Variants in OTULIN observed in about 807,000 individuals in gnomAD.
OTULIN encodes ubiquitin thioesterase otulin.
OTULIN carries 15 observed loss-of-function variants against 39.6 expected under a neutral mutation model. The ratio of observed to expected loss-of-function variants is 0.38; its 90% CI spans 0.25 to 0.58. OTULIN has a LOEUF of 0.58. Among genes scored for constraint, OTULIN ranks in the 20% least tolerant of loss-of-function variants. OTULIN has a pLI of 0.66. For synonymous variants in OTULIN, 156 were observed against 170.3 expected, an observed-to-expected ratio of 0.92 and a Z score of 0.65; for missense variants, 319 against 445.9, an observed-to-expected ratio of 0.72 and a Z score of 2.56.
the OTULIN span, chr5:14,711,394 G>T: frequency 1.7e-6 from 2 of 1,203,986 alleles, no homozygotes; most frequent in Admixed American, 3.4e-5. Context: ...CAACACCGGG[G>T]TCTTGGGGGA....
At chr5:14,707,351 C>T in the OTULIN span, 1 of 151,824 alleles carries the variant, frequency 6.6e-6, no homozygotes, top group Non-Finnish European at 1.5e-5. Flanking sequence ...TCCTAGAAAC[C>T]AAGGATATAG....
At position 14,699,624 on chromosome 5, in the gene OTULIN, A is replaced by G. The variant is rs1397811091; in HGVS notation, c.*6576A>G. On this transcript the variant is annotated 3_prime_UTR_variant, in exon 7 of 7. Transcript: ENST00000284274. Reference sequence around the variant, plus strand: ...ATTTCCTTTTCCACCGCCTTTTCCCACTCAAGAAAGTGGAGAGAAAAACAG... The same window carrying G: ...ATTTCCTTTTCCACCGCCTTTTCCCGCTCAAGAAAGTGGAGAGAAAAACAG... 6.6e-6 allele frequency: 1 copy of G among 151,996 alleles called. No homozygotes were observed. Among genetic ancestry groups the G allele is most frequent in the African/African-American group, 2.4e-5 (1 of 41,340 alleles). The allele number at this position is 151,996 out of a possible 1,614,324, so 9.4% of individuals were successfully genotyped here. A position where few individuals can be genotyped will look rare whatever the true frequency, so the allele number is the denominator to read the frequency against.
chr5:14,689,979 T>G, intron 5 of OTULIN, 60 bp from the exon 6 acceptor site: 1 of 1,547,214 alleles, frequency 6.5e-7, no homozygotes, highest in East Asian at 2.2e-5. Flanking sequence ...CATAGTATGG[T>G]ACTATACCAG....
downstream of OTULIN, among the ~76,000 whole-genome samples, chr5:14,700,724 T>G (rs984964457): frequency 2.1e-5 from 3 of 143,320 alleles, no homozygotes; most frequent in Non-Finnish European, 3.0e-5. Flanking sequence ...CATTTGTCAC[T>G]GGTGAGCAGA....
intron 1 of OTULIN, among the ~76,000 whole-genome samples, chr5:14,672,566 G>C (rs1736005347): frequency 6.6e-6 from 1 of 152,100 alleles, no homozygotes; most frequent in Admixed American, 6.5e-5. Context: ...GTGTGAGGAT[G>C]GGGTATGCGC....
the OTULIN span, among the ~76,000 whole-genome samples, chr5:14,711,806 G>A: frequency 6.6e-6 from 1 of 152,200 alleles, no homozygotes; most frequent in Non-Finnish European, 1.5e-5. Context: ...TCCCTGCCAT[G>A]TTGCCTGTTC....
chr5:14,710,253 A>G, the OTULIN span: 1 of 150,522 alleles, frequency 6.6e-6, no homozygotes, highest in South Asian at 2.1e-4. Flanking sequence ...ATGCTGGATG[A>G]GACTTAAAGC....
At chr5:14,683,220 C>G (rs1052936619) in intron 4 of OTULIN, among the ~76,000 whole-genome samples, 13 of 151,560 alleles carry the variant, frequency 8.6e-5, no homozygotes, top group Non-Finnish European at 2.9e-5. Context: ...CAAGTCCAGC[C>G]TGGGCAACAT....
chr5:14,696,265 C>T lies in OTULIN; in HGVS notation c.*3217C>T, dbSNP rs922892855. The T allele has an allele frequency of 6.6e-6, 1 of 152,222 alleles. No homozygotes were observed. Among genetic ancestry groups the T allele is most frequent in the African/African-American group, 2.4e-5 (1 of 41,452 alleles). 9.4% of individuals were successfully genotyped at this position (152,222 alleles called of 1,614,324 possible). ...CTGCCATCTCAGCATCTACATAGGA[C>T]TTACATAGACTTCCTGAATGTGTCT... On this transcript the variant is annotated 3_prime_UTR_variant, in exon 7 of 7. Coordinates refer to ENST00000284274, the MANE Select transcript of OTULIN (RefSeq NM_138348.6).
intron 1 of OTULIN, among the ~76,000 whole-genome samples, chr5:14,671,176 T>G (rs1159743791): frequency 6.6e-6 from 1 of 152,210 alleles, no homozygotes; most frequent in Non-Finnish European, 1.5e-5. Context: ...AGTTGCTTGT[T>G]TAGAGAACCT....
At chr5:14,678,656 T>C in intron 2 of OTULIN, 25 bp from the exon 3 acceptor site, 2 of 1,502,668 alleles carry the variant, frequency 1.3e-6, no homozygotes, top group Non-Finnish European at 9.0e-7. Flanking sequence ...TTATTTGCTT[T>C]TTTTTTTTTT....
At chr5:14,707,433 C>CTG in the OTULIN span, 1 of 152,332 alleles carries the variant, frequency 6.6e-6, no homozygotes, top group Non-Finnish European at 1.5e-5. Context: ...GAGCAGAGAG[C>CTG]TGTTAACATT....
At chr5:14,714,673 A>G in the OTULIN span, among the ~76,000 whole-genome samples, 2,517 of 152,310 alleles carry the variant, frequency 0.017, 71 homozygotes, top group African/African-American at 0.058. Flanking sequence ...AGACAGACCC[A>G]CTGAGGTTTT....
At position 14,674,898 on chromosome 5, in the gene OTULIN, G is replaced by A. The variant is rs75438583; in HGVS notation, c.229+1180G>A. Among the ~76,000 whole-genome samples, 1,063 of 152,324 alleles carry A rather than the reference G, an allele frequency of 7.0e-3. 11 individuals carry two copies. The highest frequency in any genetic ancestry group is 0.025 in the African/African-American group (1,025 of 41,562). ...GGCCTGGGAATTTAACAATGTGAAT[G>A]CAGCAGTCTTTTTTGCATTATTAGC... On this transcript the variant is annotated intron_variant, in intron 2 of 6. Transcript: ENST00000284274.
chr5:14,682,807 G>T (rs540656168), intron 4 of OTULIN, among the ~76,000 whole-genome samples: 1 of 152,302 alleles, frequency 6.6e-6, no homozygotes, highest in East Asian at 1.9e-4. Context: ...GAATTAGGCA[G>T]TGACAGCCCC....
rs1197144734 is a variant in OTULIN, at chr5:14,696,861, A to G, written c.*3813A>G. 1.3e-5 allele frequency: 2 copies of G among 152,218 alleles called. No individual in the cohort carries two copies. Among genetic ancestry groups the G allele is most frequent in the East Asian group, 3.9e-4 (2 of 5,194 alleles). 9.4% of individuals were successfully genotyped at this position (152,218 alleles called of 1,614,324 possible). On this transcript the variant is annotated 3_prime_UTR_variant, in exon 7 of 7. Transcript: ENST00000284274. ...GAGCCAGTGCCACGTTGAACAGAAC[A>G]GTGGTTTAGTGAATGTGTGAGGAAA... is the stretch of plus-strand genomic sequence containing the variant.
At position 14,693,825 on chromosome 5, in the gene OTULIN, CT is replaced by C. The variant is rs1222914659; in HGVS notation, c.*778del. 1 of 152,222 alleles carries C rather than the reference CT, an allele frequency of 6.6e-6. No individual in the cohort carries two copies. Among genetic ancestry groups the C allele is most frequent in the Non-Finnish European group, 1.5e-5 (1 of 68,084 alleles). The allele number at this position is 152,222 out of a possible 1,614,324, so 9.4% of individuals were successfully genotyped here. A position where few individuals can be genotyped will look rare whatever the true frequency, so the allele number is the denominator to read the frequency against. On this transcript the variant is annotated 3_prime_UTR_variant, in exon 7 of 7. Transcript: ENST00000284274. ...TGCTCCTTGTGACTATGACAGATGT[CT>C]GATGCCCCCAGCGCACTGGAGTCTG...
chr5:14,713,504 G>A, the OTULIN span: 1 of 1,612,598 alleles, frequency 6.2e-7, no homozygotes, highest in Non-Finnish European at 8.5e-7. This position sits in a 1 kb window ranked among gnomAD's most constrained non-coding sequence, Gnocchi z 4.4. Context: ...GTATTGAAGT[G>A]GCAGAAGGAC....
In OTULIN at chr5:14,699,345, T is replaced by G. The variant is rs912886506; in HGVS notation, c.*6297T>G. ...CTTCCTGTTTGTCAAAGAACTAGAGTCTGGGAGTCTTGCAAGATGGAGCTG... is the reference window on the plus strand; with the variant it reads ...CTTCCTGTTTGTCAAAGAACTAGAGGCTGGGAGTCTTGCAAGATGGAGCTG... On this transcript the variant is annotated 3_prime_UTR_variant, in exon 7 of 7. Transcript: ENST00000284274. 1 of 152,068 alleles carries G rather than the reference T, an allele frequency of 6.6e-6. No individual in the cohort carries two copies. The highest frequency in any genetic ancestry group is 2.4e-5 in the African/African-American group (1 of 41,374). The allele number at this position is 152,068 out of a possible 1,614,324, so 9.4% of individuals were successfully genotyped here. A position where few individuals can be genotyped will look rare whatever the true frequency, so the allele number is the denominator to read the frequency against.
Sources: allele counts gnomAD v4.1 joint callset (sites outside exome capture counted in the v4.1 genomes callset), GRCh38; gene constraint gnomAD v4.1.1; non-coding constraint Gnocchi (gnomAD v3.1); transcripts MANE v1.5; gene names NCBI Gene and HGNC (gene_info 2026-07-23, HGNC 2026-07-21).